Variants in KDM5B observed in about 807,000 individuals in gnomAD.
The protein encoded by KDM5B is lysine-specific demethylase 5B.
KDM5B carries 144 observed loss-of-function variants against 193.4 expected under a neutral mutation model. The observed-to-expected ratio is 0.74, with a 90% CI of 0.65 to 0.86. The LOEUF is 0.86. KDM5B is among the 40% of genes least tolerant of loss of function. The pLI is 0.00. For synonymous variants in KDM5B, 668 were observed against 682.6 expected (o/e 0.98, Z 0.33); for missense variants, 1,833 against 1,886.9 (o/e 0.97, Z 0.53).
At chr1:202,750,898 C>T (rs1327239255) in intron 12 of KDM5B, 120 bp from the exon 13 acceptor site, 1 of 945,448 alleles carries the variant, frequency 1.1e-6, no homozygotes, top group East Asian at 2.5e-5. Flanking sequence ...GAAATTGAGC[C>T]AGAAAAAACA....
At chr1:202,774,154 G>A (rs1656839054) in intron 3 of KDM5B, among the ~76,000 whole-genome samples, 1 of 152,210 alleles carries the variant, frequency 6.6e-6, no homozygotes. Flanking sequence ...ACAGGTGGAA[G>A]CAAAATATTC....
At position 202,803,653 on chromosome 1, in the gene KDM5B, G is replaced by A. The variant is rs558089284; in HGVS notation, c.204+4449C>T. The stretch of plus-strand genomic sequence containing the variant: ...AGCCTAACCAACATGGTGAAACCTC[G>A]TCTCTACTAAAAATACAAAGTTAGC... On this transcript the variant is annotated intron_variant, in intron 1 of 26. Coordinates refer to ENST00000367265, the MANE Select transcript of KDM5B (RefSeq NM_006618.5). Among the ~76,000 whole-genome samples, 14 of 152,134 alleles carry A rather than the reference G, an allele frequency of 9.2e-5. No individual in the cohort carries two copies. The East Asian group carries it at 2.5e-3, about 27-fold the overall frequency.
chr1:202,755,218 G>T, intron 11 of KDM5B, 53 bp downstream of exon 11: 3 of 1,435,728 alleles, frequency 2.1e-6, no homozygotes, highest in Non-Finnish European at 2.9e-6. Flanking sequence ...GAAAAGGAAA[G>T]TTTTCCTATC....
chr1:202,806,176 G>A (rs1658284545), intron 1 of KDM5B, among the ~76,000 whole-genome samples: 1 of 152,018 alleles, frequency 6.6e-6, no homozygotes, highest in Non-Finnish European at 1.5e-5. Flanking sequence ...CCCTCTAAAA[G>A]GCAAAGAACA....
At chr1:202,771,889 C>T (rs768445987) in intron 4 of KDM5B, among the ~76,000 whole-genome samples, 3 of 152,088 alleles carry the variant, frequency 2.0e-5, no homozygotes, top group Non-Finnish European at 4.4e-5. Flanking sequence ...TCACATTCAA[C>T]ATTCTAAACA....
intron 12 of KDM5B, among the ~76,000 whole-genome samples, chr1:202,751,644 A>G (rs192799204): frequency 8.9e-4 from 136 of 152,222 alleles, no homozygotes; most frequent in Non-Finnish European, 1.7e-3. Context: ...CTGATTCTCA[A>G]TAGAGTTATT....
intron 20 of KDM5B, among the ~76,000 whole-genome samples, 164 bp downstream of exon 20, chr1:202,740,510 C>G (rs1346442243): frequency 4.7e-5 from 7 of 147,620 alleles, no homozygotes; most frequent in Middle Eastern, 3.5e-3. Flanking sequence ...AGAGGGGCTC[C>G]TCACTTCCCA....
intron 16 of KDM5B, among the ~76,000 whole-genome samples, chr1:202,745,014 C>G (rs976685703): frequency 1.3e-5 from 2 of 152,124 alleles, no homozygotes. Context: ...ATGGATGGAA[C>G]TGGAGGCAAT....
intron 4 of KDM5B, among the ~76,000 whole-genome samples, chr1:202,771,875 C>T (rs748768434): frequency 2.6e-5 from 4 of 152,248 alleles, no homozygotes; most frequent in East Asian, 1.9e-4. Context: ...CCATCGCGCC[C>T]GGCTCACATT....
At position 202,760,526 on chromosome 1, in the gene KDM5B, G is replaced by T. The variant is rs749116129; in HGVS notation, c.966C>A (p.Asp322Glu). The T allele has an allele frequency of 6.2e-7, 1 of 1,613,114 alleles. No individual in the cohort carries two copies. Among genetic ancestry groups the T allele is most frequent in the Non-Finnish European group, 8.5e-7 (1 of 1,179,446 alleles). The change falls in exon 8 of 27, where the codon GAC becomes GAA. Residue 322 changes from aspartate (D) to glutamate (E), a missense_variant. Around this residue, in one of 3 missense-constraint regions of KDM5B, gnomAD observed 99 missense variants for 162.4 expected, o/e 0.61. Coordinates refer to ENST00000367265, the MANE Select transcript of KDM5B (RefSeq NM_006618.5). ...CACAGCCATCACACAACAGTAGCCG[G>T]TCTTCATCATTGCCACTGCCACATA... ...CLLCGSGNDE[D>E]RLLLCDGCDD... is the part of the protein sequence containing the mutation.
intron 1 of KDM5B, among the ~76,000 whole-genome samples, chr1:202,803,566 G>A (rs555958724): frequency 6.6e-6 from 1 of 151,904 alleles, no homozygotes; most frequent in South Asian, 2.1e-4. Context: ...GCTCACGTCT[G>A]TAATCCCAGC....
At chr1:202,736,417 C>G in intron 20 of KDM5B, 25 bp from the exon 21 acceptor site, 1 of 1,509,502 alleles carries the variant, frequency 6.6e-7, no homozygotes. Context: ...AAAATTACAG[C>G]AGTTTAGAGA....
At chr1:202,740,205 G>A (rs1178974756) in intron 20 of KDM5B, among the ~76,000 whole-genome samples, 14 of 148,786 alleles carry the variant, frequency 9.4e-5, no homozygotes, top group East Asian at 2.1e-4. Flanking sequence ...CTCACCTCCC[G>A]GACGGGGCGG....
chr1:202,786,185 G>A (rs535701580), intron 1 of KDM5B, among the ~76,000 whole-genome samples: 25 of 40,878 alleles, frequency 6.1e-4, no homozygotes, highest in South Asian at 1.6e-3. Context: ...TTTAAGAGAC[G>A]GGGGGTGGGG....
At chr1:202,758,369 A>G in intron 9 of KDM5B, 22 bp downstream of exon 9, 2 of 1,554,984 alleles carry the variant, frequency 1.3e-6, no homozygotes, top group Non-Finnish European at 1.8e-6. Flanking sequence ...ATCCTAAATC[A>G]AAGCAGTATA....
At chr1:202,784,707 A>G (rs996909094) in intron 1 of KDM5B, among the ~76,000 whole-genome samples, 1 of 152,220 alleles carries the variant, frequency 6.6e-6, no homozygotes, top group African/African-American at 2.4e-5. Flanking sequence ...ATAGGTGTCT[A>G]TCAGAAAAGT....
chr1:202,741,333 A>C, intron 19 of KDM5B, 34 bp downstream of exon 19: 1 of 1,460,834 alleles, frequency 6.8e-7, no homozygotes, highest in Non-Finnish European at 9.2e-7. Context: ...TAACTGTCCA[A>C]CCTTCCCAAA....
chr1:202,770,200 A>C (rs1656655002), intron 4 of KDM5B, among the ~76,000 whole-genome samples: 1 of 152,224 alleles, frequency 6.6e-6, no homozygotes, highest in African/African-American at 2.4e-5. Flanking sequence ...TACAGACGCT[A>C]ATTTTAACCT....
rs1450412346 is a variant in KDM5B, at chr1:202,726,441, G to T, written c.*2595C>A. 3 of 152,122 alleles carry T rather than the reference G, an allele frequency of 2.0e-5. No individual in the cohort carries two copies. Among genetic ancestry groups the T allele is most frequent in the Admixed American group, 2.0e-4 (3 of 15,284 alleles). 9.4% of individuals were successfully genotyped at this position (152,122 alleles called of 1,614,324 possible). ...TATTCTATATAAGAAATCCCCCAAAGTCTAATCTGGAAGGAAAAACAAAAA... is the reference window on the plus strand; with the variant it reads ...TATTCTATATAAGAAATCCCCCAAATTCTAATCTGGAAGGAAAAACAAAAA... On this transcript the variant is annotated 3_prime_UTR_variant, in exon 27 of 27. Transcript: ENST00000367265.
Sources: gnomAD v4.1 joint callset for allele counts (sites outside exome capture counted in the v4.1 genomes callset) on GRCh38, gnomAD v4.1.1 for gene constraint, gnomAD v4.1.1 regional missense constraint, MANE v1.5 for transcripts, NCBI Gene and HGNC (gene_info 2026-07-23, HGNC 2026-07-21) for gene names.